The following FMNL2 variants were observed in gnomAD, a reference collection of about 807,000 sequenced individuals.
FMNL2 encodes the protein formin like 2, also known as formin-like protein 2.
A neutral mutation model predicts 130.2 loss-of-function variants in FMNL2; 51 were observed. The observed-to-expected ratio is 0.39, with a 90% CI of 0.31 to 0.49. The LOEUF is 0.49. Ranked by LOEUF, FMNL2 falls within the 20% of genes least tolerant of loss-of-function variation. The pLI is 0.85. For missense variants in FMNL2, 977 were observed against 1,316.2 expected (o/e 0.74, Z 3.99); for synonymous variants, 465 against 467.1 (o/e 1.00, Z 0.06).
chr2:152,618,138 GC>G (rs879341499), intron 13 of FMNL2, among the ~76,000 whole-genome samples: 17 of 151,586 alleles, frequency 1.1e-4, no homozygotes, highest in African/African-American at 9.7e-5. Flanking sequence ...ACCTCTATGG[GC>G]CCCCCCCTTA....
intron 1 of FMNL2, among the ~76,000 whole-genome samples, chr2:152,374,896 G>A (rs1267629522): frequency 6.6e-6 from 1 of 152,172 alleles, no homozygotes. Context: ...CTCAGCCAGT[G>A]GAAATCAGAG....
chr2:152,476,654 T>C (rs1456614149), intron 1 of FMNL2, among the ~76,000 whole-genome samples: 1 of 151,252 alleles, frequency 6.6e-6, no homozygotes, highest in Non-Finnish European at 1.5e-5. Context: ...ATTATACCAT[T>C]ACACTCCAGC....
chr2:152,510,322 T>C (rs1030649694), intron 1 of FMNL2, among the ~76,000 whole-genome samples: 1 of 152,224 alleles, frequency 6.6e-6, no homozygotes, highest in African/African-American at 2.4e-5. Context: ...ATTGGGGTAC[T>C]GTGGCTGTAA....
intron 1 of FMNL2, among the ~76,000 whole-genome samples, chr2:152,376,508 T>C (rs576262989): frequency 1.2e-4 from 18 of 152,298 alleles, no homozygotes; most frequent in East Asian, 7.8e-4. Flanking sequence ...GATGGACTCA[T>C]TGGGGCCGAG....
In FMNL2 at chr2:152,607,426, A is replaced by C; in HGVS notation, c.951+13A>C. ...CATAGATTTTATGGTGAGTTATTTCAGTATTCAATAAAGCAAACTCAGTTT... is the reference window on the plus strand; with the variant it reads ...CATAGATTTTATGGTGAGTTATTTCCGTATTCAATAAAGCAAACTCAGTTT... On this transcript the variant is annotated intron_variant, in intron 10 of 25. Transcript: ENST00000288670. The C allele has an allele frequency of 6.3e-7, 1 of 1,599,528 alleles. No homozygotes were observed. The highest frequency in any genetic ancestry group is 8.6e-7 in the Non-Finnish European group (1 of 1,169,164).
In FMNL2 at chr2:152,575,139, T is replaced by C. The variant is rs1049658007; in HGVS notation, c.600T>C (p.Tyr200=). 6 of 1,587,832 alleles carry C rather than the reference T, an allele frequency of 3.8e-6. No homozygotes were observed. The highest frequency in any genetic ancestry group is 1.1e-5 in the South Asian group (1 of 88,464). Residue 200 remains tyrosine, a synonymous_variant, in exon 7 of 26, where the codon TAT becomes TAC. Coordinates refer to ENST00000288670, the MANE Select transcript of FMNL2 (RefSeq NM_052905.4). ...SRSGRHSALR[Y]NTLPSRRTLK... ...AAGTTTCTCTTTTTGTTTGTAGATA[T>C]AATACATTGCCAAGCAGAAGAACTC...
chr2:152,428,060 A>G (rs2106075255), intron 1 of FMNL2, among the ~76,000 whole-genome samples: 1 of 152,342 alleles, frequency 6.6e-6, no homozygotes, highest in South Asian at 2.1e-4. Flanking sequence ...AAATTGCCAC[A>G]TTCCCCCTTT....
At chr2:152,428,874 T>C (rs1248074653) in intron 1 of FMNL2, among the ~76,000 whole-genome samples, 1 of 152,166 alleles carries the variant, frequency 6.6e-6, no homozygotes, top group Non-Finnish European at 1.5e-5. Context: ...TCTGATGCCA[T>C]TTTTCTGGTC....
At chr2:152,546,340 C>T (rs1393532787) in intron 3 of FMNL2, among the ~76,000 whole-genome samples, 1 of 151,966 alleles carries the variant, frequency 6.6e-6, no homozygotes, top group African/African-American at 2.4e-5. Flanking sequence ...ACAATCATGG[C>T]GGAAGGCTAA....
intron 1 of FMNL2, among the ~76,000 whole-genome samples, chr2:152,344,635 G>A (rs1004593022): frequency 6.6e-6 from 1 of 152,114 alleles, no homozygotes; most frequent in African/African-American, 2.4e-5. Flanking sequence ...TATACATATG[G>A]TGTAAGATTA....
intron 2 of FMNL2, among the ~76,000 whole-genome samples, chr2:152,538,452 G>T (rs552830134): frequency 3.9e-5 from 6 of 151,932 alleles, no homozygotes; most frequent in African/African-American, 1.4e-4. Context: ...ACTAATTTTT[G>T]TATTTTTAGT....
intron 15 of FMNL2, among the ~76,000 whole-genome samples, chr2:152,622,883 A>G (rs1453313565): frequency 1.3e-5 from 2 of 151,800 alleles, no homozygotes; most frequent in Non-Finnish European, 2.9e-5. Context: ...CTAAGAACAA[A>G]AAAAAGGTGC....
chr2:152,462,850 G>A (rs762035597), intron 1 of FMNL2, among the ~76,000 whole-genome samples: 6 of 152,132 alleles, frequency 3.9e-5, no homozygotes, highest in Non-Finnish European at 8.8e-5. Context: ...GAAATGTAGC[G>A]TATCCAGCTT....
chr2:152,493,034 C>CT (rs1444932681), intron 1 of FMNL2, among the ~76,000 whole-genome samples: 1 of 152,026 alleles, frequency 6.6e-6, no homozygotes, highest in African/African-American at 2.4e-5. Flanking sequence ...ACTTCCTAGC[C>CT]TTAAAGAATG....
chr2:152,463,839 T>TC (rs1689378681), intron 1 of FMNL2, among the ~76,000 whole-genome samples: 1 of 152,234 alleles, frequency 6.6e-6, no homozygotes, highest in African/African-American at 2.4e-5. Flanking sequence ...TGTTTTTTTT[T>TC]CTCCCTGGCT....
intron 1 of FMNL2, among the ~76,000 whole-genome samples, chr2:152,349,886 A>G (rs915307287): frequency 2.0e-5 from 3 of 152,158 alleles, no homozygotes. Context: ...TGCTTTATTC[A>G]GACAGTCCAA....
At chr2:152,644,431 ACT>A (rs1159557690) in intron 25 of FMNL2, among the ~76,000 whole-genome samples, 4 of 152,094 alleles carry the variant, frequency 2.6e-5, no homozygotes, top group Admixed American at 6.6e-5. Flanking sequence ...GCCTTTCTTA[ACT>A]CTCTTATACG....
chr2:152,633,519 C>T (rs1030409570), intron 21 of FMNL2, among the ~76,000 whole-genome samples: 2 of 152,178 alleles, frequency 1.3e-5, no homozygotes, highest in African/African-American at 4.8e-5. Flanking sequence ...TGAGATGATG[C>T]ACTGTTACAG....
chr2:152,548,372 C>T lies in FMNL2; in HGVS notation c.283-649C>T, dbSNP rs561401573. Reference sequence around the variant, plus strand: ...CTACCATTTCCTGATAAGACTGTTTCGCTGTGCCTAAACAGTTTATGAAAA... The same window carrying T: ...CTACCATTTCCTGATAAGACTGTTTTGCTGTGCCTAAACAGTTTATGAAAA... On this transcript the variant is annotated intron_variant, in intron 3 of 25. Coordinates refer to ENST00000288670, the MANE Select transcript of FMNL2 (RefSeq NM_052905.4). Among the ~76,000 whole-genome samples the T allele has an allele frequency of 5.3e-5, 8 of 152,286 alleles. No individual in the cohort carries two copies. In the South Asian group the frequency reaches 8.3e-4, roughly 16 times the overall value.
Sources: allele counts gnomAD v4.1 joint callset (sites outside exome capture counted in the v4.1 genomes callset), GRCh38; gene constraint gnomAD v4.1.1; transcripts MANE v1.5; gene names NCBI Gene and HGNC (gene_info 2026-07-23, HGNC 2026-07-21).